Variants in CSK observed in about 807,000 individuals in gnomAD.
CSK encodes the protein C-terminal Src kinase.
A neutral mutation model predicts 62.3 loss-of-function variants in CSK; 7 were observed. That is an observed-to-expected ratio of 0.11 (90% CI 0.06 to 0.21). The LOEUF is 0.21. CSK is among the 10% of genes least tolerant of loss of function. The pLI, the probability that CSK is intolerant of heterozygous loss-of-function variation, is 1.00. For synonymous variants in CSK, 237 were observed against 246.0 expected, an observed-to-expected ratio of 0.96 and a Z score of 0.34; for missense variants, 294 against 613.5, an observed-to-expected ratio of 0.48 and a Z score of 5.50.
chr15:74,794,851 C>A (rs2063681229), intron 1 of CSK, among the ~76,000 whole-genome samples: 1 of 152,148 alleles, frequency 6.6e-6, no homozygotes, highest in African/African-American at 2.4e-5. Context: ...CACATGCCCC[C>A]CTGCTGAGGC....
chr15:74,790,447 C>T (rs1419673168), intron 1 of CSK, among the ~76,000 whole-genome samples: 2 of 152,204 alleles, frequency 1.3e-5, no homozygotes, highest in Non-Finnish European at 2.9e-5. Flanking sequence ...AGCCTGGGCT[C>T]ACAAGAAAGG....
intron 1 of CSK, among the ~76,000 whole-genome samples, chr15:74,796,315 C>T (rs2063704466): frequency 6.6e-6 from 1 of 151,926 alleles, no homozygotes; most frequent in Admixed American, 6.6e-5. Context: ...TCATCCTTCA[C>T]ATTGAGTAGG....
intron 5 of CSK, 57 bp from the exon 6 acceptor site, chr15:74,800,355 G>A (rs1008645886): frequency 2.4e-5 from 36 of 1,505,678 alleles, no homozygotes; most frequent in South Asian, 5.8e-5. Context: ...AGGCCTGGAC[G>A]GTGCATATGG....
rs953418881 is a variant in CSK, at chr15:74,784,017, G to A, written c.-66+1297G>A. ...TGTTTCAAGCTCCTAGTACCCTGGCGGTTCCAGTGTCTTTCTTGGTTGTGG... is the reference window on the plus strand; with the variant it reads ...TGTTTCAAGCTCCTAGTACCCTGGCAGTTCCAGTGTCTTTCTTGGTTGTGG... On this transcript the variant is annotated intron_variant, in intron 1 of 12. Transcript: ENST00000220003. 9.8e-5 allele frequency among the ~76,000 whole-genome samples: 15 copies of A among 152,332 alleles called. 1 individual carries two copies. In the East Asian group the frequency reaches 2.7e-3, roughly 27 times the overall value.
chr15:74,801,171 C>T (rs2063786881), intron 9 of CSK, 69 bp downstream of exon 9: 2 of 1,555,324 alleles, frequency 1.3e-6, no homozygotes, highest in Admixed American at 3.4e-5. Flanking sequence ...TGCTCTAGGG[C>T]CCCTGCTCCC....
Position 74,793,460 on chromosome 15 carries a change from C to CGGCA in CSK, c.-65-4770_-65-4767dup, listed in dbSNP as rs1192102682. Among the ~76,000 whole-genome samples the CGGCA allele has an allele frequency of 2.6e-5, 4 of 152,298 alleles. No individual in the cohort carries two copies. In the East Asian group the frequency reaches 7.7e-4, roughly 29 times the overall value. On this transcript the variant is annotated intron_variant, in intron 1 of 12. Coordinates refer to ENST00000220003, the MANE Select transcript of CSK (RefSeq NM_004383.3). The stretch of plus-strand genomic sequence containing the variant: ...CCCATGGCAACTCCTGGGGCCTGTC[C>CGGCA]GGCAGGGAGGCACGGGGCTATGGGG...
Position 74,802,453 on chromosome 15 carries a change from C to T in CSK, c.1293C>T (p.Pro431=), listed in dbSNP as rs1244940434. The T allele has an allele frequency of 2.3e-5, 37 of 1,612,860 alleles. No homozygotes were observed. The highest frequency in any genetic ancestry group is 3.1e-5 in the Non-Finnish European group (36 of 1,179,782). Reference sequence around the variant, plus strand: ...GGCACCTGGACGCCGCCATGCGGCCCTCCTTCCTACAGCTCCGAGAGCAGC... The same window carrying T: ...GGCACCTGGACGCCGCCATGCGGCCTTCCTTCCTACAGCTCCGAGAGCAGC... ...NCWHLDAAMR[P]SFLQLREQLE... The change falls in exon 13 of 13, where the codon CCC becomes CCT. Residue 431 remains proline (P), a synonymous_variant. Coordinates refer to ENST00000220003, the MANE Select transcript of CSK (RefSeq NM_004383.3).
At chr15:74,789,436 A>G (rs1489571468) in intron 1 of CSK, among the ~76,000 whole-genome samples, 1 of 152,124 alleles carries the variant, frequency 6.6e-6, no homozygotes, top group Non-Finnish European at 1.5e-5. Context: ...TGTGGTGGGG[A>G]ATGTCACAGT....
Position 74,802,779 on chromosome 15 carries a change from C to T in CSK, c.*266C>T. 2.3e-6 allele frequency: 1 copy of T among 427,192 alleles called. No individual in the cohort carries two copies. The highest frequency in any genetic ancestry group is 4.1e-6 in the Non-Finnish European group (1 of 241,872). 26.5% of individuals were successfully genotyped at this position (427,192 alleles called of 1,614,324 possible). On this transcript the variant is annotated 3_prime_UTR_variant, in exon 13 of 13. Coordinates refer to ENST00000220003, the MANE Select transcript of CSK (RefSeq NM_004383.3). ...CACGTCGGGCTTCCCTGGCCTCCCG[C>T]CACTCGCCTTCTTAGAGTTTTATTC...
intron 1 of CSK, among the ~76,000 whole-genome samples, chr15:74,786,000 C>CTTTTTTTTTTTTTTTTTTTTTTTTTTTT: frequency 1.7e-5 from 1 of 59,938 alleles, no homozygotes; most frequent in South Asian, 6.4e-4. Flanking sequence ...CTCTCTCTCT[C>CTTTTTTTTTTTTTTTTTTTTTTTTTTTT]TCTTTTTTTT....
At chr15:74,797,634 T>C (rs1296421854) in intron 1 of CSK, among the ~76,000 whole-genome samples, 1 of 152,198 alleles carries the variant, frequency 6.6e-6, no homozygotes, top group Non-Finnish European at 1.5e-5. Context: ...TTTGTGAATA[T>C]GCCACTGTTT....
chr15:74,797,562 A>G (rs2063725979), intron 1 of CSK, among the ~76,000 whole-genome samples: 1 of 152,166 alleles, frequency 6.6e-6, no homozygotes, highest in South Asian at 2.1e-4. Context: ...GTGTTATTTA[A>G]TGGTTGGAGT....
At chr15:74,791,891 G>A (rs1037934642) in intron 1 of CSK, among the ~76,000 whole-genome samples, 29 of 152,166 alleles carry the variant, frequency 1.9e-4, no homozygotes, top group Admixed American at 1.8e-3. Flanking sequence ...TGGATCACTT[G>A]GTTCCGGGGT....
intron 9 of CSK, 28 bp from the exon 10 acceptor site, chr15:74,801,494 C>G: frequency 6.2e-7 from 1 of 1,600,850 alleles, no homozygotes; most frequent in Non-Finnish European, 8.5e-7. Context: ...CGTCTGACCT[C>G]GGCCTGGTCT....
In CSK at chr15:74,782,432, C is replaced by T. The variant is rs1277886992; in HGVS notation, c.-354C>T. The T allele has an allele frequency of 6.6e-6, 1 of 151,774 alleles. No individual in the cohort carries two copies. The highest frequency in any genetic ancestry group is 2.4e-5 in the African/African-American group (1 of 41,400). The allele number at this position is 151,774 out of a possible 1,614,324, so 9.4% of individuals were successfully genotyped here. A position where few individuals can be genotyped will look rare whatever the true frequency, so the allele number is the denominator to read the frequency against. On this transcript the variant is annotated 5_prime_UTR_variant, in exon 1 of 13. Coordinates refer to ENST00000220003, the MANE Select transcript of CSK (RefSeq NM_004383.3). This position sits in a 1 kb window ranked among gnomAD's most constrained non-coding sequence, Gnocchi z 5.7. Reference sequence around the variant, plus strand: ...CCAAAATCGAACCTCAGTGGCGGCGCTCGGAAGCGGAACTCTGCCGGGGCC... The same window carrying T: ...CCAAAATCGAACCTCAGTGGCGGCGTTCGGAAGCGGAACTCTGCCGGGGCC...
rs2063768037 is a variant in CSK, at chr15:74,800,268, C to T, written c.463-144C>T. The T allele has an allele frequency of 4.4e-6, 3 of 685,460 alleles. 1 individual carries two copies. In the Admixed American group the frequency reaches 6.8e-5, roughly 16 times the overall value. 42.5% of individuals were successfully genotyped at this position (685,460 alleles called of 1,614,324 possible). On this transcript the variant is annotated intron_variant, in intron 5 of 12. Coordinates refer to ENST00000220003, the MANE Select transcript of CSK (RefSeq NM_004383.3). ...ATCTGGGACTTCCCTAACCCCTGCCCTACCAGAAATGGGGAGCCCTCCCCA... is the reference window on the plus strand; with the variant it reads ...ATCTGGGACTTCCCTAACCCCTGCCTTACCAGAAATGGGGAGCCCTCCCCA...
intron 1 of CSK, among the ~76,000 whole-genome samples, chr15:74,793,509 G>A (rs1301562189): frequency 6.6e-6 from 1 of 152,212 alleles, no homozygotes; most frequent in Non-Finnish European, 1.5e-5. Flanking sequence ...CAGCTCAGGA[G>A]TTTGACACCT....
chr15:74,801,464 T>G, intron 9 of CSK, 58 bp from the exon 10 acceptor site: 2 of 1,539,778 alleles, frequency 1.3e-6, no homozygotes, highest in Non-Finnish European at 1.8e-6. Context: ...CAGCGTGCTG[T>G]GTGAGAGGGC....
At chr15:74,786,009 T>G (rs1295971178) in intron 1 of CSK, among the ~76,000 whole-genome samples, 3 of 37,098 alleles carry the variant, frequency 8.1e-5, no homozygotes, top group Non-Finnish European at 2.8e-4. Flanking sequence ...TCTCTTTTTT[T>G]TTTTTGTGTG....
Sources: gnomAD v4.1 joint callset for allele counts (sites outside exome capture counted in the v4.1 genomes callset) on GRCh38, gnomAD v4.1.1 for gene constraint, Gnocchi (gnomAD v3.1) non-coding constraint, MANE v1.5 for transcripts, NCBI Gene and HGNC (gene_info 2026-07-23, HGNC 2026-07-21) for gene names.